Variants in TBL1XR1 observed in about 807,000 individuals in gnomAD.
TBL1XR1 encodes F-box-like/WD repeat-containing protein TBL1XR1.
A neutral mutation model predicts 66.9 loss-of-function variants in TBL1XR1; 5 were observed. The ratio of observed to expected loss-of-function variants is 0.07; its 90% confidence interval spans 0.04 to 0.16. TBL1XR1 has a LOEUF of 0.16. TBL1XR1 is among the 10% of genes least tolerant of loss of function. The probability of loss-of-function intolerance (pLI) is 1.00; values close to 1 mark genes in which losing one functional copy is unlikely to be tolerated. For missense variants in TBL1XR1, 238 were observed against 623.2 expected (o/e 0.38, Z 6.58); for synonymous variants, 210 against 206.0 (o/e 1.02, Z -0.17).
At chr3:177,085,829 A>T (rs1241253098) in intron 2 of TBL1XR1, among the ~76,000 whole-genome samples, 2 of 152,180 alleles carry the variant, frequency 1.3e-5, no homozygotes, top group African/African-American at 4.8e-5. Flanking sequence ...CTATTATTCT[A>T]TGGGTGCCTG....
chr3:177,070,925 A>G (rs1719898442), intron 2 of TBL1XR1, among the ~76,000 whole-genome samples: 1 of 151,976 alleles, frequency 6.6e-6, no homozygotes, highest in Non-Finnish European at 1.5e-5. Context: ...TAAAATACTG[A>G]GTGTGTCTGA....
At chr3:177,075,787 G>A (rs150954836) in intron 2 of TBL1XR1, among the ~76,000 whole-genome samples, 51 of 152,160 alleles carry the variant, frequency 3.4e-4, no homozygotes, top group Admixed American at 5.2e-4. Flanking sequence ...CTAAATTAGC[G>A]TGACAATAAA....
chr3:177,060,256 A>G (rs1718345719), intron 3 of TBL1XR1, among the ~76,000 whole-genome samples: 1 of 152,268 alleles, frequency 6.6e-6, no homozygotes, highest in Middle Eastern at 3.4e-3. Flanking sequence ...CAGATTTTAT[A>G]TATTTCCTTC....
At chr3:177,110,854 C>T (rs543469803) in intron 1 of TBL1XR1, 1 of 152,174 alleles carries the variant, frequency 6.6e-6, no homozygotes, top group Non-Finnish European at 1.5e-5. Context: ...CTAAGGAATA[C>T]TTCTTCTAGA....
intron 2 of TBL1XR1, among the ~76,000 whole-genome samples, chr3:177,070,181 CAA>C (rs1719782823): frequency 6.6e-6 from 1 of 152,114 alleles, no homozygotes; most frequent in Non-Finnish European, 1.5e-5. Context: ...GATTTAAGTC[CAA>C]GAGTCATTAG....
At chr3:177,092,672 T>G (rs906889173) in intron 2 of TBL1XR1, among the ~76,000 whole-genome samples, 1 of 151,502 alleles carries the variant, frequency 6.6e-6, no homozygotes, top group Non-Finnish European at 1.5e-5. Context: ...TTGGTAGAAA[T>G]GTAAAATAGT....
At chr3:177,053,304 G>A (rs1004303686) in intron 4 of TBL1XR1, among the ~76,000 whole-genome samples, 2 of 152,096 alleles carry the variant, frequency 1.3e-5, no homozygotes, top group Non-Finnish European at 2.9e-5. Context: ...AAACTTTATT[G>A]AGAAAAACAG....
rs1376801868 is a variant in TBL1XR1 at position 177,065,247 on chromosome 3, A to G, written c.-45-225T>C. The stretch of plus-strand genomic sequence containing the variant: ...TTCAAAGTAACATACTGGCAAAAAT[A>G]AAACAAAATTTTTTAGAGGGCTTTA... On this transcript the variant is annotated intron_variant, in intron 2 of 15. Transcript: ENST00000457928. 3.3e-5 allele frequency among the ~76,000 whole-genome samples: 5 copies of G among 152,208 alleles called. No homozygotes were observed. In the East Asian group the frequency reaches 9.6e-4, roughly 29 times the overall value.
chr3:177,106,246 A>G (rs575543674), intron 1 of TBL1XR1, among the ~76,000 whole-genome samples: 1 of 152,192 alleles, frequency 6.6e-6, no homozygotes, highest in Admixed American at 6.5e-5. Context: ...AGTTATAGAA[A>G]GGTATTTTTT....
At chr3:177,045,146 A>G (rs1716150791) in intron 10 of TBL1XR1, 1 of 152,114 alleles carries the variant, frequency 6.6e-6, no homozygotes, top group African/African-American at 2.4e-5. Context: ...AAAAAAAGCA[A>G]AATGCCTGAA....
chr3:177,184,437 T>G (rs1735176857), intron 1 of TBL1XR1, among the ~76,000 whole-genome samples: 2 of 152,186 alleles, frequency 1.3e-5, no homozygotes, highest in Non-Finnish European at 1.5e-5. Flanking sequence ...ATGTAGTACT[T>G]CTGGACAACC....
intron 1 of TBL1XR1, among the ~76,000 whole-genome samples, chr3:177,175,198 T>C (rs1734016329): frequency 6.6e-6 from 1 of 152,216 alleles, no homozygotes; most frequent in Non-Finnish European, 1.5e-5. Context: ...TTGTACTACT[T>C]AACAAACACA....
chr3:177,156,239 G>A (rs866444029), intron 1 of TBL1XR1, among the ~76,000 whole-genome samples: 4 of 146,374 alleles, frequency 2.7e-5, no homozygotes, highest in African/African-American at 1.0e-4. Flanking sequence ...GGTGGCTCAC[G>A]CCTGTAATCT....
intron 1 of TBL1XR1, among the ~76,000 whole-genome samples, chr3:177,111,078 G>A (rs1335898256): frequency 2.0e-5 from 3 of 152,114 alleles, no homozygotes; most frequent in Non-Finnish European, 1.5e-5. Context: ...GGCTAGCAGG[G>A]CAGTATCACG....
rs911028829 is a variant in TBL1XR1, at chr3:177,138,073, C to CA, written c.-121-39533dup. Among the ~76,000 whole-genome samples the CA allele has an allele frequency of 6.6e-5, 10 of 152,142 alleles. No individual in the cohort carries two copies. In the South Asian group the frequency reaches 1.2e-3, roughly 19 times the overall value. On this transcript the variant is annotated intron_variant, in intron 1 of 15. Transcript: ENST00000457928. ...TCAGGTTGAAAGTAAAACAGACTGA[C>CA]AAAAAAACCCACGTTTAAGACATGA...
At chr3:177,143,872 G>A (rs943472681) in intron 1 of TBL1XR1, among the ~76,000 whole-genome samples, 13 of 152,184 alleles carry the variant, frequency 8.5e-5, no homozygotes, top group African/African-American at 3.1e-4. Context: ...AAGTGAGACT[G>A]GTAGAAATCT....
rs3046468 is a variant in TBL1XR1, at chr3:177,054,045, C to CGTGT, written c.59-131_59-128dup. ...CCCATTTAAAATCCCAGACGAAGGT[C>CGTGT]GTGTGTGTGTGTGTGTGTGTGTGTG... On this transcript the variant is annotated intron_variant, in intron 3 of 15. Transcript: ENST00000457928. 943 of 615,618 alleles carry CGTGT rather than the reference C, an allele frequency of 1.5e-3. 6 individuals are homozygous for CGTGT. The highest frequency in any genetic ancestry group is 0.015 in the African/African-American group (792 of 52,240). The allele number at this position is 615,618 out of a possible 1,614,324, so 38.1% of individuals were successfully genotyped here.
chr3:177,121,447 T>C (rs927699178), intron 1 of TBL1XR1, among the ~76,000 whole-genome samples: 5 of 152,224 alleles, frequency 3.3e-5, no homozygotes, highest in Admixed American at 6.5e-5. Flanking sequence ...AGCCTATCCA[T>C]AGCCTATCTC....
chr3:177,150,178 CCTT>C (rs1211343168), intron 1 of TBL1XR1, among the ~76,000 whole-genome samples: 2 of 152,156 alleles, frequency 1.3e-5, no homozygotes, highest in African/African-American at 4.8e-5. Flanking sequence ...GCCAAATGCA[CCTT>C]CTTAATTGTC....
Sources: gnomAD v4.1 joint callset for allele counts (sites outside exome capture counted in the v4.1 genomes callset) on GRCh38, gnomAD v4.1.1 for gene constraint, MANE v1.5 for transcripts, NCBI Gene and HGNC (gene_info 2026-07-23, HGNC 2026-07-21) for gene names.